RXFP2: variants seen among roughly 807,000 people sequenced by gnomAD.
The protein encoded by RXFP2 is relaxin family peptide receptor 2.
A neutral mutation model predicts 88.6 loss-of-function variants in RXFP2; 68 were observed. The ratio of observed to expected loss-of-function variants is 0.77; its 90% confidence interval spans 0.63 to 0.94. The LOEUF is 0.94. Among genes scored for constraint, RXFP2 ranks in the 40% least tolerant of loss-of-function variants. RXFP2 has a pLI of 0.00. For synonymous variants in RXFP2, 329 were observed against 306.8 expected (o/e 1.07, Z -0.76); for missense variants, 791 against 893.9 (o/e 0.88, Z 1.47).
At chr13:31,801,218 C>T (rs911453060) in intron 17 of RXFP2, among the ~76,000 whole-genome samples, 3 of 152,228 alleles carry the variant, frequency 2.0e-5, no homozygotes, top group African/African-American at 7.2e-5. Context: ...GCCACCTCTT[C>T]ACCTGAATGG....
At chr13:31,760,279 C>T (rs184567860) in intron 2 of RXFP2, among the ~76,000 whole-genome samples, 1 of 152,094 alleles carries the variant, frequency 6.6e-6, no homozygotes, top group African/African-American at 2.4e-5. Flanking sequence ...TTAATAGAGA[C>T]GGGGTTTCAA....
chr13:31,792,922 C>T lies in RXFP2; in HGVS notation c.1620C>T (p.Val540=). ...GACCTGGAAAACGGCAGACCTCAGT[C>T]ATCCTCATTTGCATCTGGATGGCGG... ...NIRPGKRQTS[V]ILICIWMAGF... The change falls in exon 16 of 18, where the codon GTC becomes GTT. Residue 540 remains valine, a synonymous_variant. Transcript: ENST00000298386. The T allele has an allele frequency of 1.9e-6, 3 of 1,614,138 alleles. No homozygotes were observed. The highest frequency in any genetic ancestry group is 2.5e-6 in the Non-Finnish European group (3 of 1,180,030).
chr13:31,764,954 G>T, intron 3 of RXFP2, 83 bp from the exon 4 acceptor site: 1 of 778,630 alleles, frequency 1.3e-6, no homozygotes, highest in Non-Finnish European at 2.3e-6. Context: ...TCGATGAAAA[G>T]AAAACAATAT....
In RXFP2 at chr13:31,740,535, T is replaced by G. The variant is rs539916785; in HGVS notation, c.94+829T>G. On this transcript the variant is annotated intron_variant, in intron 1 of 17. Coordinates refer to ENST00000298386, the MANE Select transcript of RXFP2 (RefSeq NM_130806.5). ...AAAATTTGAAATTATTTTTATTTTC[T>G]GAGAAATTCGTTTTAGGTTTTTTAA... 1.1e-4 allele frequency among the ~76,000 whole-genome samples: 17 copies of G among 152,162 alleles called. No homozygotes were observed. The South Asian group carries it at 3.5e-3, about 32-fold the overall frequency.
At chr13:31,760,230 A>G (rs1872240582) in intron 2 of RXFP2, among the ~76,000 whole-genome samples, 1 of 152,108 alleles carries the variant, frequency 6.6e-6, no homozygotes, top group African/African-American at 2.4e-5. Flanking sequence ...CTGGGATTAC[A>G]GGCGCCCTCC....
intron 11 of RXFP2, among the ~76,000 whole-genome samples, chr13:31,784,940 G>A (rs1242397725): frequency 1.3e-5 from 2 of 152,110 alleles, no homozygotes; most frequent in East Asian, 1.9e-4. Flanking sequence ...CCAACTCCCA[G>A]GCCTTGTTGC....
chr13:31,753,591 A>G (rs928810353), intron 1 of RXFP2, among the ~76,000 whole-genome samples: 1 of 152,174 alleles, frequency 6.6e-6, no homozygotes, highest in African/African-American at 2.4e-5. Context: ...GGAAGAATAG[A>G]CCACAGAATA....
Position 31,786,316 on chromosome 13 carries a change from G to T in RXFP2, c.930-67G>T. On this transcript the variant is annotated intron_variant, in intron 11 of 17. Transcript: ENST00000298386. Reference sequence around the variant, plus strand: ...TACATCAAATGGGATGATGATAATTGTGAGGAGTAATAAGTCTGTCATTTA... The same window carrying T: ...TACATCAAATGGGATGATGATAATTTTGAGGAGTAATAAGTCTGTCATTTA... 6 of 1,057,856 alleles carry T rather than the reference G, an allele frequency of 5.7e-6. No homozygotes were observed. The South Asian group carries it at 7.5e-5, about 13-fold the overall frequency. The allele number at this position is 1,057,856 out of a possible 1,614,324, so 65.5% of individuals were successfully genotyped here.
At chr13:31,744,581 T>G (rs1593442600) in intron 1 of RXFP2, among the ~76,000 whole-genome samples, 1 of 152,130 alleles carries the variant, frequency 6.6e-6, no homozygotes, top group South Asian at 2.1e-4. Context: ...TATTCTCGAG[T>G]GGCATAATGG....
Position 31,791,887 on chromosome 13 carries a change from T to G in RXFP2, c.1227T>G (p.Phe409Leu), listed in dbSNP as rs753697311. Residue 409 changes from phenylalanine (F) to leucine (L), a missense_variant, in exon 15 of 18, where the codon TTT becomes TTG. Physicochemically the swap from Phe to Leu is conservative, Grantham distance 22. Transcript: ENST00000298386. ...CMPLTDGISS[F>L]EDLLANNILR... is the part of the protein sequence containing the mutation. ...CCTTGACGGACGGCATTTCTTCATT[T>G]GAGGACCTCTTGGCTAACAATATCC... 9 of 1,614,218 alleles carry G rather than the reference T, an allele frequency of 5.6e-6. No homozygotes were observed. The Admixed American group carries it at 8.3e-5, about 15-fold the overall frequency.
chr13:31,792,384 A>G (rs945780057), intron 15 of RXFP2, among the ~76,000 whole-genome samples: 1 of 152,186 alleles, frequency 6.6e-6, no homozygotes, highest in African/African-American at 2.4e-5. Context: ...TTTATTAACT[A>G]TGAAGATACT....
At chr13:31,785,781 T>C (rs2138446899) in intron 11 of RXFP2, among the ~76,000 whole-genome samples, 1 of 152,292 alleles carries the variant, frequency 6.6e-6, no homozygotes, top group Middle Eastern at 3.4e-3. Context: ...AGGTCTCTTT[T>C]CCACATTTTA....
chr13:31,772,775 G>A (rs1872778973), intron 5 of RXFP2, among the ~76,000 whole-genome samples: 1 of 152,202 alleles, frequency 6.6e-6, no homozygotes, highest in Non-Finnish European at 1.5e-5. Context: ...AAGGGAGATA[G>A]GTTGTACACA....
chr13:31,787,522 T>C (rs7338204), intron 13 of RXFP2, among the ~76,000 whole-genome samples: 91,666 of 152,146 alleles, frequency 0.6, 27,799 homozygotes, highest in East Asian at 0.77. Flanking sequence ...ACTGCATTTC[T>C]GAAAGCCAAA....
chr13:31,752,794 GC>G (rs1173494291), intron 1 of RXFP2, among the ~76,000 whole-genome samples: 5 of 152,290 alleles, frequency 3.3e-5, no homozygotes, highest in Admixed American at 2.0e-4. Flanking sequence ...CAGTGCTGCT[GC>G]CCCCCTCAGA....
At position 31,791,850 on chromosome 13, in the gene RXFP2, G is replaced by A. The variant is rs140693726; in HGVS notation, c.1190G>A (p.Arg397Gln). The change falls in exon 15 of 18, where the codon CGA becomes CAA. Residue 397 changes from arginine (R) to glutamine (Q), a missense_variant. Transcript: ENST00000298386. ...TACTGCTCCTATGCTCCCCATGTCC[G>A]AATATGTATGCCCTTGACGGACGGC... Reference protein sequence around the residue: ...FRYCSYAPHVRICMPLTDGIS... With the variant: ...FRYCSYAPHVQICMPLTDGIS... 1.5e-5 allele frequency: 25 copies of A among 1,614,084 alleles called. No homozygotes were observed. The highest frequency in any genetic ancestry group is 4.4e-5 in the South Asian group (4 of 91,080).
intron 5 of RXFP2, among the ~76,000 whole-genome samples, chr13:31,768,078 G>A (rs1221974718): frequency 6.6e-6 from 1 of 152,106 alleles, no homozygotes; most frequent in East Asian, 1.9e-4. Context: ...AATAATTCAG[G>A]TCCACAATTT....
intron 13 of RXFP2, 140 bp from the exon 14 acceptor site, chr13:31,788,982 A>G (rs1593468631): frequency 5.9e-6 from 4 of 681,080 alleles, no homozygotes; most frequent in Non-Finnish European, 1.1e-5. Flanking sequence ...ATTTTCTAAG[A>G]TAGTGTACTG....
chr13:31,788,068 G>T (rs894382247), intron 13 of RXFP2, among the ~76,000 whole-genome samples: 2 of 151,460 alleles, frequency 1.3e-5, no homozygotes, highest in Non-Finnish European at 2.9e-5. Flanking sequence ...GATGCTATAG[G>T]TTAGTAATCA....
Sources: gnomAD v4.1 joint callset for allele counts (sites outside exome capture counted in the v4.1 genomes callset) on GRCh38, gnomAD v4.1.1 for gene constraint, MANE v1.5 for transcripts, NCBI Gene and HGNC (gene_info 2026-07-23, HGNC 2026-07-21) for gene names.